ZNF510: variants seen among roughly 807,000 people sequenced by gnomAD.
ZNF510 encodes zinc finger protein 510.
Under a neutral mutation model 18.1 loss-of-function variants are expected in ZNF510, and 15 were observed. The observed-to-expected ratio is 0.83, with a 90% CI of 0.55 to 1.28. ZNF510 has a LOEUF of 1.28. Among genes scored for constraint, ZNF510 ranks in the 50% most tolerant of loss-of-function variants. ZNF510 has a pLI of 0.00. For synonymous variants in ZNF510, 261 were observed against 266.4 expected (o/e 0.98, Z 0.20); for missense variants, 724 against 791.8 (o/e 0.91, Z 1.03).
chr9:96,771,945 G>T (rs1849592969), intron 3 of ZNF510, among the ~76,000 whole-genome samples: 1 of 152,100 alleles, frequency 6.6e-6, no homozygotes, highest in Non-Finnish European at 1.5e-5. Context: ...TTTCCATCAG[G>T]ATTTTCTGTG....
intron 5 of ZNF510, 111 bp downstream of exon 5, chr9:96,763,007 G>T: frequency 3.7e-6 from 3 of 806,932 alleles, no homozygotes; most frequent in Non-Finnish European, 6.4e-6. Flanking sequence ...TGCTTTTTGT[G>T]CCTTTAGGCT....
At chr9:96,766,515 CTAT>C (rs1849476235) in intron 3 of ZNF510, among the ~76,000 whole-genome samples, 1 of 152,024 alleles carries the variant, frequency 6.6e-6, no homozygotes, top group Non-Finnish European at 1.5e-5. Flanking sequence ...ACAAAGGCTA[CTAT>C]CTGACATTTA....
At chr9:96,762,508 CAA>C (rs1235290923) in intron 5 of ZNF510, among the ~76,000 whole-genome samples, 13 of 79,770 alleles carry the variant, frequency 1.6e-4, no homozygotes, top group Admixed American at 5.8e-4. Flanking sequence ...GACTCCGTCT[CAA>C]AAAAAAAAAA....
At chr9:96,772,283 A>AAAAT (rs1400120047) in intron 3 of ZNF510, among the ~76,000 whole-genome samples, 1 of 152,192 alleles carries the variant, frequency 6.6e-6, no homozygotes, top group African/African-American at 2.4e-5. Context: ...AGATCAAGCT[A>AAAAT]AAATAAACAA....
intron 3 of ZNF510, among the ~76,000 whole-genome samples, chr9:96,766,444 C>A (rs571984057): frequency 6.8e-6 from 1 of 148,048 alleles, no homozygotes; most frequent in Non-Finnish European, 1.5e-5. Flanking sequence ...TATGTATTAT[C>A]TATGGCTGCT....
At chr9:96,766,014 GAC>G (rs1438362255) in intron 3 of ZNF510, among the ~76,000 whole-genome samples, 2 of 152,076 alleles carry the variant, frequency 1.3e-5, no homozygotes, top group Non-Finnish European at 2.9e-5. Flanking sequence ...TATGCAGAAA[GAC>G]ACACAAAAAG....
At chr9:96,774,944 A>C in intron 2 of ZNF510, 98 bp from the exon 3 acceptor site, 1 of 995,704 alleles carries the variant, frequency 1.0e-6, no homozygotes, top group South Asian at 1.5e-5. Flanking sequence ...CCTCTCTACA[A>C]AAAATGTTCC....
chr9:96,764,056 C>T (rs965087803), intron 3 of ZNF510, among the ~76,000 whole-genome samples: 26 of 152,254 alleles, frequency 1.7e-4, no homozygotes, highest in African/African-American at 4.8e-4. Context: ...ATGATCACAC[C>T]ACTGTATACC....
intron 3 of ZNF510, among the ~76,000 whole-genome samples, chr9:96,764,965 T>C (rs1849436572): frequency 6.6e-6 from 1 of 151,332 alleles, no homozygotes; most frequent in Non-Finnish European, 1.5e-5. Flanking sequence ...ATACAAAAAT[T>C]AGCCGGGTGT....
At chr9:96,775,329 G>C (rs1464352392) in intron 2 of ZNF510, among the ~76,000 whole-genome samples, 2 of 152,072 alleles carry the variant, frequency 1.3e-5, no homozygotes, top group African/African-American at 4.8e-5. Context: ...CAAAATGCTG[G>C]GATTGCAGGG....
intron 3 of ZNF510, among the ~76,000 whole-genome samples, chr9:96,768,235 T>G (rs1260601793): frequency 6.6e-6 from 1 of 152,154 alleles, no homozygotes. Flanking sequence ...TAAAAAGCAT[T>G]TCTGAAAAAC....
Position 96,776,144 on chromosome 9 carries a change from C to T in ZNF510, c.-75G>A, listed in dbSNP as rs1588134609. 1.3e-6 allele frequency: 2 copies of T among 1,538,700 alleles called. No homozygotes were observed. The highest frequency in any genetic ancestry group is 2.5e-5 in the East Asian group (1 of 40,646). Reference sequence around the variant, plus strand: ...TGGGCAAATCAAGACCTGCTCCTTTCTGGGTTCTTCTGCATCTGTTTGGAA... The same window carrying T: ...TGGGCAAATCAAGACCTGCTCCTTTTTGGGTTCTTCTGCATCTGTTTGGAA... On this transcript the variant is annotated 5_prime_UTR_variant, in exon 2 of 6. Coordinates refer to ENST00000223428, the MANE Select transcript of ZNF510 (RefSeq NM_014930.3).
intron 3 of ZNF510, among the ~76,000 whole-genome samples, chr9:96,768,555 T>C (rs1435042873): frequency 6.6e-6 from 1 of 152,114 alleles, no homozygotes; most frequent in Non-Finnish European, 1.5e-5. Flanking sequence ...TCTCTCTAAA[T>C]ACTAGCAATG....
rs11999094 is a variant in ZNF510 at position 96,759,638 on chromosome 9, G to C, written c.1192C>G (p.His398Asp). ...CATTTATAGGGTTTCATCATTGAGT[G>C]ACTTCTTCGGCGAACTCTGTGAACC... ...TSVHRVRRRS[H>D]SMMKPYKCNE... is the part of the protein sequence containing the mutation. The change falls in exon 6 of 6, where the codon CAC (histidine) becomes GAC (aspartate). Residue 398 changes from histidine (H) to aspartate (D), a missense_variant. His to Asp is a moderately conservative substitution (Grantham distance 81). Coordinates refer to ENST00000223428, the MANE Select transcript of ZNF510 (RefSeq NM_014930.3). 3,113 of 1,613,668 alleles carry C rather than the reference G, an allele frequency of 1.9e-3. 62 individuals are homozygous for C. The African/African-American group carries it at 0.036, about 19-fold the overall frequency.
rs781522502 is a variant in ZNF510, at chr9:96,759,710, C to T, written c.1120G>A (p.Val374Ile). 2 of 1,613,856 alleles carry T rather than the reference C, an allele frequency of 1.2e-6. No individual in the cohort carries two copies. Among genetic ancestry groups the T allele is most frequent in the South Asian group, 2.2e-5 (2 of 91,078 alleles). Residue 374 changes from valine to isoleucine, a missense_variant, in exon 6 of 6, where the codon GTT (valine) becomes ATT (isoleucine). Val to Ile is a conservative substitution (Grantham distance 29). Coordinates refer to ENST00000223428, the MANE Select transcript of ZNF510 (RefSeq NM_014930.3). ...TTTTCATGATATTCAGAGGATTTAACCCAAGTCTGTGTTCTGTCATTACTT... is the reference window on the plus strand; with the variant it reads ...TTTTCATGATATTCAGAGGATTTAATCCAAGTCTGTGTTCTGTCATTACTT... ...LVSNDRTQTW[V>I]KSSEYHENKK...
intron 2 of ZNF510, among the ~76,000 whole-genome samples, chr9:96,775,065 GT>G (rs199701361): frequency 0.12 from 16,009 of 138,980 alleles, 1,906 homozygotes; most frequent in East Asian, 0.34. Context: ...GTGTTTTTTT[GT>G]TTTTTTTTTT....
intron 3 of ZNF510, among the ~76,000 whole-genome samples, chr9:96,772,454 GC>G (rs1849601758): frequency 6.6e-6 from 1 of 151,980 alleles, no homozygotes; most frequent in South Asian, 2.1e-4. Context: ...GAATAAGCAA[GC>G]CATGGAATCC....
chr9:96,774,463 T>C (rs1588133562), intron 3 of ZNF510, among the ~76,000 whole-genome samples: 2 of 152,336 alleles, frequency 1.3e-5, no homozygotes, highest in East Asian at 3.9e-4. Context: ...ACAAAGACAT[T>C]TTCCCTGACT....
At position 96,776,179 on chromosome 9, in the gene ZNF510, A is replaced by G. The variant is rs970182464; in HGVS notation, c.-110T>C. The G allele has an allele frequency of 8.8e-6, 13 of 1,484,624 alleles. No individual in the cohort carries two copies. Among genetic ancestry groups the G allele is most frequent in the Admixed American group, 2.2e-5 (1 of 44,798 alleles). 92.0% of individuals were successfully genotyped at this position (1,484,624 alleles called of 1,614,324 possible). A position where few individuals can be genotyped will look rare whatever the true frequency, so the allele number is the denominator to read the frequency against. ...CTGCATCTGTTTGGAAGCCCTGGTG[A>G]GGAGGTCTCTGTTCTGTCAGAGAGC... On this transcript the variant is annotated 5_prime_UTR_variant, in exon 2 of 6. Coordinates refer to ENST00000223428, the MANE Select transcript of ZNF510 (RefSeq NM_014930.3).
Sources: allele counts gnomAD v4.1 joint callset (sites outside exome capture counted in the v4.1 genomes callset), GRCh38; gene constraint gnomAD v4.1.1; transcripts MANE v1.5; gene names NCBI Gene and HGNC (gene_info 2026-07-23, HGNC 2026-07-21).